RFX7: variants seen among roughly 807,000 people sequenced by gnomAD.
RFX7 encodes regulatory factor X7.
In RFX7, 26 loss-of-function variants were observed where a neutral mutation model predicts 111.8. The ratio of observed to expected loss-of-function variants is 0.23; its 90% CI spans 0.17 to 0.32. The LOEUF is 0.32. Ranked by LOEUF, RFX7 falls within the 10% of genes least tolerant of loss-of-function variation. The pLI, the probability that RFX7 is intolerant of heterozygous loss-of-function variation, is 1.00. For synonymous variants in RFX7, 624 were observed against 624.4 expected (o/e 1.00, Z 0.01); for missense variants, 1,573 against 1,772.9 (o/e 0.89, Z 2.02).
In RFX7 at chr15:56,089,792, C is replaced by A. The variant is rs2041573374; in HGVS notation, c.*3553G>T. The A allele has an allele frequency of 6.6e-6, 1 of 152,138 alleles. No homozygotes were observed. The highest frequency in any genetic ancestry group is 1.5e-5 in the Non-Finnish European group (1 of 68,028). The allele number at this position is 152,138 out of a possible 1,614,324, so 9.4% of individuals were successfully genotyped here. The stretch of plus-strand genomic sequence containing the variant: ...ATGGGAGCCTTCCTGCTCTTTACCT[C>A]TCCCTTCCTAATCTCCACTCCTTTC... On this transcript the variant is annotated 3_prime_UTR_variant, in exon 10 of 10. Transcript: ENST00000559447.
intron 2 of RFX7, among the ~76,000 whole-genome samples, chr15:56,201,829 G>T (rs1430371732): frequency 1.3e-5 from 2 of 152,142 alleles, no homozygotes; most frequent in African/African-American, 4.8e-5. Flanking sequence ...AGGAGATTGA[G>T]ACCATCCTGG....
intron 2 of RFX7, among the ~76,000 whole-genome samples, chr15:56,217,633 T>C (rs1286119753): frequency 6.6e-6 from 1 of 152,218 alleles, no homozygotes; most frequent in Non-Finnish European, 1.5e-5. Context: ...CTAAATGTTT[T>C]AACTTATGAG....
chr15:56,243,062 C>CCCCCCCCATGGA, intron 2 of RFX7, 63 bp downstream of exon 2: 1 of 1,049,048 alleles, frequency 9.5e-7, no homozygotes. Flanking sequence ...CGCCGCCCCC[C>CCCCCCCCATGGA]ACCCACTTTG....
At chr15:56,161,175 C>T (rs1395509142) in intron 3 of RFX7, among the ~76,000 whole-genome samples, 1 of 152,046 alleles carries the variant, frequency 6.6e-6, no homozygotes, top group Non-Finnish European at 1.5e-5. Flanking sequence ...AAGCAAATTT[C>T]AGCAAAACCC....
At chr15:56,134,530 G>A (rs1162649768) in intron 5 of RFX7, among the ~76,000 whole-genome samples, 2 of 150,598 alleles carry the variant, frequency 1.3e-5, no homozygotes, top group Non-Finnish European at 2.9e-5. Flanking sequence ...TCCTAATCAT[G>A]CTATTATAAA....
At chr15:56,233,696 A>G (rs1037990957) in intron 2 of RFX7, among the ~76,000 whole-genome samples, 1 of 152,182 alleles carries the variant, frequency 6.6e-6, no homozygotes, top group Non-Finnish European at 1.5e-5. Context: ...AATGAAAGCA[A>G]TTTGAGGTGG....
chr15:56,220,750 C>T (rs2043418274), intron 2 of RFX7, among the ~76,000 whole-genome samples: 1 of 152,102 alleles, frequency 6.6e-6, no homozygotes, highest in African/African-American at 2.4e-5. Context: ...CTTTCCTTTC[C>T]CGGTTCCTAT....
chr15:56,228,423 T>C (rs1567053671), intron 2 of RFX7, among the ~76,000 whole-genome samples: 1 of 152,128 alleles, frequency 6.6e-6, no homozygotes, highest in East Asian at 1.9e-4. Context: ...TTCCATCTTT[T>C]TCATTCAACT....
intron 5 of RFX7, among the ~76,000 whole-genome samples, chr15:56,113,975 G>T (rs1475133223): frequency 6.6e-6 from 1 of 152,178 alleles, no homozygotes; most frequent in Non-Finnish European, 1.5e-5. Context: ...AAGTAATATG[G>T]TCAAATATCT....
intron 3 of RFX7, among the ~76,000 whole-genome samples, chr15:56,178,521 A>G (rs1226604251): frequency 6.6e-6 from 1 of 152,164 alleles, no homozygotes; most frequent in African/African-American, 2.4e-5. Context: ...GTGGGGAAAG[A>G]GAACTAACTA....
chr15:56,139,110 C>T (rs1400734803), intron 5 of RFX7, among the ~76,000 whole-genome samples: 14 of 152,048 alleles, frequency 9.2e-5, no homozygotes, highest in East Asian at 1.9e-4. Flanking sequence ...TTGCTCTTCT[C>T]GAGGAGTATC....
chr15:56,165,364 G>A (rs2042771004), intron 3 of RFX7, among the ~76,000 whole-genome samples: 1 of 152,162 alleles, frequency 6.6e-6, no homozygotes, highest in Non-Finnish European at 1.5e-5. Context: ...CCCCTGGAAG[G>A]AACCTGACTC....
intron 5 of RFX7, among the ~76,000 whole-genome samples, chr15:56,138,423 G>C (rs1255771553): frequency 6.7e-5 from 10 of 150,224 alleles, no homozygotes; most frequent in African/African-American, 2.2e-4. Flanking sequence ...TTTTATCAGA[G>C]AATAGTATTG....
intron 3 of RFX7, among the ~76,000 whole-genome samples, chr15:56,160,559 C>G (rs1448209345): frequency 2.0e-5 from 3 of 152,014 alleles, no homozygotes; most frequent in Non-Finnish European, 4.4e-5. Flanking sequence ...TTTTTCCCCC[C>G]TCAAGCGACA....
intron 5 of RFX7, among the ~76,000 whole-genome samples, chr15:56,107,487 G>A (rs929901587): frequency 4.6e-5 from 7 of 151,962 alleles, no homozygotes; most frequent in African/African-American, 1.5e-4. Flanking sequence ...AATTGTACAA[G>A]TTAAAGGTAA....
intron 3 of RFX7, among the ~76,000 whole-genome samples, chr15:56,173,393 A>T (rs2042866486): frequency 2.0e-5 from 3 of 152,254 alleles, no homozygotes; most frequent in Admixed American, 2.0e-4. Flanking sequence ...CTCAAAAACC[A>T]TAAAAATCAG....
chr15:56,135,961 T>C (rs2042295974), intron 5 of RFX7, among the ~76,000 whole-genome samples: 1 of 152,188 alleles, frequency 6.6e-6, no homozygotes, highest in Admixed American at 6.6e-5. Context: ...CTCTGTTGTG[T>C]TCCATTGATC....
intron 3 of RFX7, among the ~76,000 whole-genome samples, chr15:56,155,593 A>G (rs2042641944): frequency 6.6e-6 from 1 of 152,170 alleles, no homozygotes; most frequent in Non-Finnish European, 1.5e-5. Context: ...GGAGGGGAAC[A>G]TCACACACTG....
intron 3 of RFX7, among the ~76,000 whole-genome samples, chr15:56,150,885 A>C (rs1021800300): frequency 6.6e-6 from 1 of 152,226 alleles, no homozygotes; most frequent in East Asian, 1.9e-4. Flanking sequence ...GACCTGATGG[A>C]GCTGAAAAAC....
Sources: gnomAD v4.1 joint callset for allele counts (sites outside exome capture counted in the v4.1 genomes callset) on GRCh38, gnomAD v4.1.1 for gene constraint, MANE v1.5 for transcripts, NCBI Gene and HGNC (gene_info 2026-07-23, HGNC 2026-07-21) for gene names.